Variants in OCA2 observed in about 807,000 individuals in gnomAD.
The protein encoded by OCA2 is OCA2 melanosomal transmembrane protein, also known as P protein.
A neutral mutation model predicts 100.2 loss-of-function variants in OCA2; 77 were observed. The ratio of observed to expected loss-of-function variants is 0.77; its 90% confidence interval spans 0.64 to 0.93. The LOEUF (loss-of-function observed/expected upper bound fraction) is 0.93, where lower values mean the gene tolerates loss of function less well. Ranked by LOEUF, OCA2 falls within the 40% of genes least tolerant of loss-of-function variation. The pLI, the probability that OCA2 is intolerant of heterozygous loss-of-function variation, is 0.00. For synonymous variants in OCA2, 432 were observed against 439.2 expected, an observed-to-expected ratio of 0.98 and a Z score of 0.21; for missense variants, 1,062 against 1,089.1, an observed-to-expected ratio of 0.98 and a Z score of 0.35.
intron 2 of OCA2, among the ~76,000 whole-genome samples, chr15:28,035,617 T>C (rs1288556742): frequency 6.6e-6 from 1 of 152,250 alleles, no homozygotes; most frequent in African/African-American, 2.4e-5. Context: ...ATGAGATCTA[T>C]ATTATTCCTG....
intron 7 of OCA2, among the ~76,000 whole-genome samples, chr15:28,017,015 G>A (rs2042415673): frequency 6.8e-6 from 1 of 147,910 alleles, no homozygotes. Flanking sequence ...GCATGTTCTT[G>A]CCCCTGGGGT....
At chr15:27,991,461 G>C (rs1356181709) in intron 9 of OCA2, among the ~76,000 whole-genome samples, 1 of 152,186 alleles carries the variant, frequency 6.6e-6, no homozygotes, top group African/African-American at 2.4e-5. Context: ...TGATGCTGGG[G>C]AAAGAAGCCA....
At chr15:27,773,838 G>T (rs2032031253) in intron 23 of OCA2, among the ~76,000 whole-genome samples, 1 of 152,212 alleles carries the variant, frequency 6.6e-6, no homozygotes. Flanking sequence ...TGGATACCCA[G>T]GAGTTGGAAG....
At chr15:27,954,359 T>C (rs151069802) in intron 17 of OCA2, among the ~76,000 whole-genome samples, 1,528 of 152,278 alleles carry the variant, frequency 0.01, 28 homozygotes, top group African/African-American at 0.034. Context: ...ATCACAGCTA[T>C]ACCTTTCTTT....
At chr15:27,821,756 C>T (rs1186437102) in intron 23 of OCA2, among the ~76,000 whole-genome samples, 2 of 152,136 alleles carry the variant, frequency 1.3e-5, no homozygotes, top group Non-Finnish European at 1.5e-5. Flanking sequence ...AGCTCGCATA[C>T]ATACAGGCAC....
chr15:27,776,974 T>TGGGGGGGGGGGGGGGG (rs368182175), intron 23 of OCA2, among the ~76,000 whole-genome samples: 1 of 43,174 alleles, frequency 2.3e-5, no homozygotes, highest in African/African-American at 5.8e-5. Flanking sequence ...GAGCGTGAGG[T>TGGGGGGGGGGGGGGGG]GGGGGGGGGT....
chr15:27,904,850 C>T (rs1355053360), intron 19 of OCA2, among the ~76,000 whole-genome samples: 1 of 152,192 alleles, frequency 6.6e-6, no homozygotes, highest in Non-Finnish European at 1.5e-5. Context: ...GATTAACATA[C>T]AGTGGTTCCC....
At chr15:27,903,646 C>T (rs2038054774) in intron 19 of OCA2, among the ~76,000 whole-genome samples, 1 of 152,204 alleles carries the variant, frequency 6.6e-6, no homozygotes, top group Admixed American at 6.5e-5. Flanking sequence ...GAGCGGGTCC[C>T]TGCGGCCTAG....
chr15:27,977,866 C>T (rs2041021001), intron 14 of OCA2, among the ~76,000 whole-genome samples: 2 of 152,138 alleles, frequency 1.3e-5, no homozygotes, highest in Non-Finnish European at 2.9e-5. Flanking sequence ...AGAGAGCGGC[C>T]ATCTGCAAGC....
chr15:27,789,722 A>C (rs1421574625), intron 23 of OCA2, among the ~76,000 whole-genome samples: 12 of 152,242 alleles, frequency 7.9e-5, no homozygotes, highest in Admixed American at 7.8e-4. Context: ...AAAGTACAAA[A>C]GCAATTTAAT....
At chr15:27,824,621 T>TATATATATATATATATATATATAA (rs1315693272) in intron 23 of OCA2, among the ~76,000 whole-genome samples, 2 of 124,146 alleles carry the variant, frequency 1.6e-5, no homozygotes, top group South Asian at 2.7e-4. Flanking sequence ...TATATATATA[T>TATATATATATATATATATATATAA]AATATAATAT....
chr15:27,757,217 G>A (rs138956196), intron 23 of OCA2, among the ~76,000 whole-genome samples: 1 of 152,198 alleles, frequency 6.6e-6, no homozygotes, highest in Non-Finnish European at 1.5e-5. Flanking sequence ...GTTAGATTGT[G>A]TGATTAAGAG....
At chr15:27,950,619 C>T (rs761461993) in intron 18 of OCA2, 34 of 492,166 alleles carry the variant, frequency 6.9e-5, no homozygotes, top group Non-Finnish European at 9.7e-5. Flanking sequence ...GCTGCAAATA[C>T]ATAACACAAA....
chr15:28,039,758 G>A (rs113933931), intron 2 of OCA2, among the ~76,000 whole-genome samples: 1,848 of 152,274 alleles, frequency 0.012, 38 homozygotes, highest in African/African-American at 0.042. Flanking sequence ...AGTTTGGCCA[G>A]GCGCGGTGGC....
At chr15:27,824,574 C>A (rs1208640760) in intron 23 of OCA2, among the ~76,000 whole-genome samples, 1 of 88,206 alleles carries the variant, frequency 1.1e-5, no homozygotes, top group Non-Finnish European at 2.0e-5. Context: ...TGAATAAATA[C>A]AATTTCTCTC....
At chr15:27,915,182 T>C (rs1228058487) in intron 19 of OCA2, among the ~76,000 whole-genome samples, 1 of 152,156 alleles carries the variant, frequency 6.6e-6, no homozygotes, top group East Asian at 1.9e-4. Context: ...ACCAGACCCC[T>C]TCCTTCCATC....
chr15:28,007,393 G>C (rs1485287748), intron 9 of OCA2, among the ~76,000 whole-genome samples: 1 of 152,208 alleles, frequency 6.6e-6, no homozygotes, highest in Non-Finnish European at 1.5e-5. Flanking sequence ...AGAGTTAGGA[G>C]GATTGCTCCA....
At chr15:27,919,130 A>T (rs2038771358) in intron 19 of OCA2, among the ~76,000 whole-genome samples, 1 of 152,172 alleles carries the variant, frequency 6.6e-6, no homozygotes, top group South Asian at 2.1e-4. Context: ...TTATATGAGG[A>T]GGTGCTAGGT....
chr15:28,045,507 G>C (rs929570362), intron 2 of OCA2, among the ~76,000 whole-genome samples: 18 of 152,172 alleles, frequency 1.2e-4, no homozygotes, highest in Non-Finnish European at 2.1e-4. Context: ...GAAGGAATGT[G>C]TAGATTTACA....
Sources: gnomAD v4.1 joint callset for allele counts (sites outside exome capture counted in the v4.1 genomes callset) on GRCh38, gnomAD v4.1.1 for gene constraint, MANE v1.5 for transcripts, NCBI Gene and HGNC (gene_info 2026-07-23, HGNC 2026-07-21) for gene names.